The following LRRC28 variants were observed in gnomAD, a reference collection of about 807,000 sequenced individuals.
LRRC28 encodes leucine-rich repeat-containing protein 28.
In LRRC28, 39 loss-of-function variants were observed where a neutral mutation model predicts 45.7. The ratio of observed to expected loss-of-function variants is 0.85; its 90% CI spans 0.66 to 1.12. The LOEUF (loss-of-function observed/expected upper bound fraction) is 1.12, where lower values mean the gene tolerates loss of function less well. Among genes scored for constraint, LRRC28 ranks in the 50% most tolerant of loss-of-function variants. The probability of loss-of-function intolerance (pLI) is 0.00; values close to 1 mark genes in which losing one functional copy is unlikely to be tolerated. For synonymous variants in LRRC28, 206 were observed against 178.8 expected (o/e 1.15, Z -1.22); for missense variants, 435 against 438.5 (o/e 0.99, Z 0.07).
intron 7 of LRRC28, among the ~76,000 whole-genome samples, chr15:99,355,879 A>G (rs1957034209): frequency 1.3e-5 from 2 of 152,312 alleles, no homozygotes; most frequent in East Asian, 1.9e-4. Context: ...AGTTGTTTGT[A>G]TGAGAAATGT....
intron 4 of LRRC28, 28 bp from the exon 5 acceptor site, chr15:99,287,786 A>G: frequency 6.4e-7 from 1 of 1,573,952 alleles, no homozygotes; most frequent in Non-Finnish European, 8.6e-7. Context: ...AGTCAAATTC[A>G]TTTTGCCTTC....
At chr15:99,299,700 T>C (rs2082349538) in intron 5 of LRRC28, among the ~76,000 whole-genome samples, 1 of 152,218 alleles carries the variant, frequency 6.6e-6, no homozygotes, top group Admixed American at 6.5e-5. Flanking sequence ...TTTACAATGT[T>C]GTTTGATATT....
At chr15:99,313,969 T>A (rs1298736839) in intron 5 of LRRC28, among the ~76,000 whole-genome samples, 1 of 152,198 alleles carries the variant, frequency 6.6e-6, no homozygotes, top group Non-Finnish European at 1.5e-5. Context: ...TGTTCTTGAA[T>A]GAACAAACAC....
chr15:99,290,449 C>A (rs546641860), intron 5 of LRRC28, among the ~76,000 whole-genome samples: 4 of 152,044 alleles, frequency 2.6e-5, no homozygotes, highest in African/African-American at 7.2e-5. Flanking sequence ...TTTCATCATT[C>A]TAGCTTTCAT....
intron 2 of LRRC28, chr15:99,258,223 C>T (rs2081083134): frequency 5.0e-6 from 8 of 1,603,944 alleles, no homozygotes; most frequent in East Asian, 2.2e-5. Flanking sequence ...GTTTCTATTC[C>T]ATCTTCCTTG....
intron 5 of LRRC28, among the ~76,000 whole-genome samples, chr15:99,300,026 G>A (rs1224880069): frequency 6.6e-6 from 1 of 152,098 alleles, no homozygotes; most frequent in Non-Finnish European, 1.5e-5. Context: ...ATTAAAGCCC[G>A]GCAGAGCTGT....
At chr15:99,328,342 A>G (rs1278653309) in intron 5 of LRRC28, among the ~76,000 whole-genome samples, 1 of 152,240 alleles carries the variant, frequency 6.6e-6, no homozygotes, top group Non-Finnish European at 1.5e-5. Context: ...CACAATTGTG[A>G]AAGATCAAAA....
At chr15:99,357,130 C>T (rs1957068284) in intron 7 of LRRC28, among the ~76,000 whole-genome samples, 1 of 152,106 alleles carries the variant, frequency 6.6e-6, no homozygotes, top group African/African-American at 2.4e-5. Flanking sequence ...GTAGCTCCCA[C>T]AAAAATGCAC....
chr15:99,300,481 A>G (rs188189110), intron 5 of LRRC28, among the ~76,000 whole-genome samples: 2 of 149,922 alleles, frequency 1.3e-5, no homozygotes, highest in Admixed American at 1.3e-4. Flanking sequence ...GGCTATGAAA[A>G]TAGTGTTTAA....
intron 3 of LRRC28, chr15:99,285,416 T>A: frequency 1.3e-6 from 1 of 756,618 alleles, no homozygotes; most frequent in Non-Finnish European, 2.4e-6. Flanking sequence ...CCAAAGCCCC[T>A]GGCGTGCTTG....
At chr15:99,291,059 T>G (rs1445895500) in intron 5 of LRRC28, among the ~76,000 whole-genome samples, 1 of 152,222 alleles carries the variant, frequency 6.6e-6, no homozygotes, top group Non-Finnish European at 1.5e-5. Flanking sequence ...CATGATGTGG[T>G]AGAATATAGT....
At chr15:99,359,073 TAA>T (rs568444032) in intron 7 of LRRC28, among the ~76,000 whole-genome samples, 1 of 144,940 alleles carries the variant, frequency 6.9e-6, no homozygotes, top group Non-Finnish European at 1.5e-5. Context: ...GGCTCTGTCT[TAA>T]AAAAAAAAAA....
chr15:99,341,003 C>T (rs1046714767), intron 6 of LRRC28, among the ~76,000 whole-genome samples: 9 of 151,386 alleles, frequency 5.9e-5, no homozygotes, highest in Admixed American at 2.0e-4. Flanking sequence ...TCTTTTTGAG[C>T]TCTGTCTTTT....
At chr15:99,308,206 C>A (rs1597306388) in intron 5 of LRRC28, among the ~76,000 whole-genome samples, 1 of 152,230 alleles carries the variant, frequency 6.6e-6, no homozygotes, top group East Asian at 1.9e-4. Context: ...ATTCTCGAGG[C>A]TCTGAGAGAT....
chr15:99,383,846 A>G (rs1320994294), intron 9 of LRRC28, among the ~76,000 whole-genome samples: 1 of 151,998 alleles, frequency 6.6e-6, no homozygotes, highest in Non-Finnish European at 1.5e-5. Flanking sequence ...CTGCAAGGGG[A>G]GTCTAGCATA....
chr15:99,283,013 C>T (rs1261920279), intron 3 of LRRC28, among the ~76,000 whole-genome samples: 4 of 152,078 alleles, frequency 2.6e-5, no homozygotes, highest in Non-Finnish European at 5.9e-5. Context: ...CTGCCTCAGC[C>T]TCCCAGGTAG....
chr15:99,261,895 G>A (rs1189517135), intron 2 of LRRC28, among the ~76,000 whole-genome samples: 1 of 151,914 alleles, frequency 6.6e-6, no homozygotes, highest in East Asian at 1.9e-4. Context: ...GACCTCGGGT[G>A]ATCCACCCAC....
chr15:99,337,470 G>C (rs1010311024), intron 6 of LRRC28, among the ~76,000 whole-genome samples: 6 of 152,252 alleles, frequency 3.9e-5, no homozygotes, highest in African/African-American at 1.4e-4. Flanking sequence ...GGCATTTTCT[G>C]CATGCACCAT....
At chr15:99,293,296 G>T (rs1219802375) in intron 5 of LRRC28, among the ~76,000 whole-genome samples, 4 of 151,870 alleles carry the variant, frequency 2.6e-5, no homozygotes, top group Admixed American at 6.6e-5. Flanking sequence ...CAAGTCAGTT[G>T]TCTGTAAAAT....
Sources: gnomAD v4.1 joint callset for allele counts (sites outside exome capture counted in the v4.1 genomes callset) on GRCh38, gnomAD v4.1.1 for gene constraint, MANE v1.5 for transcripts, NCBI Gene and HGNC (gene_info 2026-07-23, HGNC 2026-07-21) for gene names.